Variants in LEPR observed in about 807,000 individuals in gnomAD.
LEPR encodes OB receptor.
In LEPR, 56 loss-of-function variants were observed where a neutral mutation model predicts 114.7. That is an observed-to-expected ratio of 0.49 (90% confidence interval 0.39 to 0.61). The LOEUF (loss-of-function observed/expected upper bound fraction) is 0.61, where lower values mean the gene tolerates loss of function less well. Ranked by LOEUF, LEPR falls within the 20% of genes least tolerant of loss-of-function variation. LEPR has a pLI of 0.00. For synonymous variants in LEPR, 443 were observed against 461.4 expected (o/e 0.96, Z 0.51); for missense variants, 1,202 against 1,352.9 (o/e 0.89, Z 1.75).
Position 65,605,249 on chromosome 1 carries a change from T to C in LEPR, c.1603+12T>C. 1 of 1,613,892 alleles carries C rather than the reference T, an allele frequency of 6.2e-7. No individual in the cohort carries two copies. Among genetic ancestry groups the C allele is most frequent in the South Asian group, 1.1e-5 (1 of 91,076 alleles). On this transcript the variant is annotated intron_variant, in intron 11 of 19. Coordinates refer to ENST00000349533, the MANE Select transcript of LEPR (RefSeq NM_002303.6). Reference sequence around the variant, plus strand: ...TCCTGATTCTGTGGGTATGTCAAGCTGCGTTGTGTCTTCATTTGTGTTAGC... The same window carrying C: ...TCCTGATTCTGTGGGTATGTCAAGCCGCGTTGTGTCTTCATTTGTGTTAGC...
At chr1:65,509,108 AT>A (rs1381306033) in intron 2 of LEPR, among the ~76,000 whole-genome samples, 1 of 152,124 alleles carries the variant, frequency 6.6e-6, no homozygotes, top group Admixed American at 6.6e-5. Flanking sequence ...AGGATTTTCC[AT>A]CTATAAGAGC....
chr1:65,524,671 G>A (rs1557639527), intron 2 of LEPR, among the ~76,000 whole-genome samples: 1 of 152,124 alleles, frequency 6.6e-6, no homozygotes, highest in African/African-American at 2.4e-5. Flanking sequence ...TTAAGTAGAG[G>A]CCTTTAAAAA....
intron 2 of LEPR, among the ~76,000 whole-genome samples, chr1:65,437,173 A>G (rs778333773): frequency 3.3e-5 from 5 of 152,184 alleles, no homozygotes; most frequent in Admixed American, 6.5e-5. Flanking sequence ...TTCCTGATTA[A>G]ATTAATGGCA....
intron 2 of LEPR, among the ~76,000 whole-genome samples, chr1:65,540,701 C>T (rs1461589487): frequency 2.6e-5 from 4 of 152,148 alleles, no homozygotes; most frequent in Non-Finnish European, 5.9e-5. Flanking sequence ...TGGACTAACA[C>T]ACTAATGTTT....
intron 2 of LEPR, among the ~76,000 whole-genome samples, chr1:65,455,729 C>G (rs1488719787): frequency 2.0e-5 from 3 of 152,210 alleles, no homozygotes; most frequent in South Asian, 4.1e-4. Flanking sequence ...TTACTGCTGT[C>G]TTTTTGTTTG....
intron 2 of LEPR, among the ~76,000 whole-genome samples, chr1:65,515,492 TAA>T (rs1488964665): frequency 1.3e-5 from 2 of 152,252 alleles, no homozygotes; most frequent in East Asian, 3.8e-4. Flanking sequence ...TTTTTTAATA[TAA>T]GTTATAGATA....
At chr1:65,430,431 C>T (rs541889499) in intron 2 of LEPR, 1 of 157,328 alleles carries the variant, frequency 6.4e-6, no homozygotes, top group African/African-American at 2.4e-5. Context: ...ATGGACTCAA[C>T]TCTCAACTCA....
intron 2 of LEPR, chr1:65,432,377 G>A (rs1176779179): frequency 1.0e-6 from 1 of 953,490 alleles, no homozygotes; most frequent in East Asian, 1.1e-4. Flanking sequence ...ATTTCCTAGA[G>A]CCTTATTAGA....
chr1:65,602,244 GA>G, intron 10 of LEPR, among the ~76,000 whole-genome samples: 1 of 152,054 alleles, frequency 6.6e-6, no homozygotes, highest in East Asian at 1.9e-4. Flanking sequence ...TGAAATGCAA[GA>G]AAATGTAGTT....
chr1:65,497,134 AT>A (rs530966662), intron 2 of LEPR, among the ~76,000 whole-genome samples: 17 of 151,984 alleles, frequency 1.1e-4, no homozygotes, highest in East Asian at 7.7e-4. Flanking sequence ...TTTAATTTGA[AT>A]TTTTTTTAGA....
chr1:65,540,963 C>A (rs1370340535), intron 2 of LEPR, among the ~76,000 whole-genome samples: 1 of 152,068 alleles, frequency 6.6e-6, no homozygotes, highest in Admixed American at 6.5e-5. Flanking sequence ...TCTTGAGTAG[C>A]TGGGATTACA....
chr1:65,535,702 A>G (rs1650722709), intron 2 of LEPR, among the ~76,000 whole-genome samples: 1 of 152,148 alleles, frequency 6.6e-6, no homozygotes, highest in Admixed American at 6.5e-5. Context: ...AACAATCTAT[A>G]AAAACAGTAA....
At chr1:65,614,577 T>C (rs61781308) in intron 14 of LEPR, among the ~76,000 whole-genome samples, 26,619 of 152,138 alleles carry the variant, frequency 0.17, 2,486 homozygotes, top group Middle Eastern at 0.24. Flanking sequence ...GGTACTGCTC[T>C]ACATGTACTC....
intron 2 of LEPR, 113 bp downstream of exon 2, chr1:65,425,491 G>A: frequency 4.9e-6 from 4 of 813,394 alleles, no homozygotes; most frequent in Non-Finnish European, 3.8e-6. Context: ...GTGAGTTAGT[G>A]GAGCCCAGTT....
intron 1 of LEPR, among the ~76,000 whole-genome samples, chr1:65,421,875 G>C (rs1646258061): frequency 6.6e-6 from 1 of 152,208 alleles, no homozygotes; most frequent in Non-Finnish European, 1.5e-5. Context: ...GAAAAAAAAG[G>C]AAGTCTGAAA....
intron 2 of LEPR, among the ~76,000 whole-genome samples, chr1:65,512,161 C>G (rs7533108): frequency 0.73 from 111,277 of 151,922 alleles, 42,101 homozygotes; most frequent in Middle Eastern, 0.9. Flanking sequence ...ACAGCAAAGA[C>G]CCATGAGAGA....
At chr1:65,589,343 C>A (rs560411172) in intron 5 of LEPR, among the ~76,000 whole-genome samples, 3 of 152,016 alleles carry the variant, frequency 2.0e-5, no homozygotes, top group South Asian at 4.2e-4. Flanking sequence ...AGATAATTGG[C>A]AAATATGTTC....
intron 8 of LEPR, among the ~76,000 whole-genome samples, chr1:65,599,200 A>T (rs1656276419): frequency 6.6e-6 from 1 of 152,132 alleles, no homozygotes; most frequent in Non-Finnish European, 1.5e-5. Flanking sequence ...TTTACTCCAG[A>T]TGCTTGCTTT....
intron 2 of LEPR, chr1:65,429,759 C>A: frequency 9.7e-7 from 1 of 1,029,332 alleles, no homozygotes; most frequent in Non-Finnish European, 1.4e-6. Context: ...ATTTTTTGAC[C>A]TAAACATTTA....
Sources: gnomAD v4.1 joint callset for allele counts (sites outside exome capture counted in the v4.1 genomes callset) on GRCh38, gnomAD v4.1.1 for gene constraint, MANE v1.5 for transcripts, NCBI Gene and HGNC (gene_info 2026-07-23, HGNC 2026-07-21) for gene names.